Variants in AOPEP observed in about 807,000 individuals in gnomAD.
The protein encoded by AOPEP is aminopeptidase O (putative).
In AOPEP, 77 loss-of-function variants were observed where a neutral mutation model predicts 98.1. That is an observed-to-expected ratio of 0.78 (90% CI 0.65 to 0.95). The LOEUF (loss-of-function observed/expected upper bound fraction) is 0.95, where lower values mean the gene tolerates loss of function less well. Among genes scored for constraint, AOPEP ranks in the 40% least tolerant of loss-of-function variants. AOPEP has a pLI of 0.00. For synonymous variants in AOPEP, 346 were observed against 365.3 expected, an observed-to-expected ratio of 0.95 and a Z score of 0.60; for missense variants, 1,024 against 1,024.7, an observed-to-expected ratio of 1.00 and a Z score of 0.01.
chr9:94,818,412 T>G (rs1354963777), intron 5 of AOPEP, among the ~76,000 whole-genome samples: 1 of 152,082 alleles, frequency 6.6e-6, no homozygotes, highest in Non-Finnish European at 1.5e-5. Flanking sequence ...TAAAAATAGG[T>G]ATGGTGACTT....
intron 14 of AOPEP, among the ~76,000 whole-genome samples, chr9:95,063,927 A>G (rs935927923): frequency 1.3e-5 from 2 of 152,130 alleles, no homozygotes; most frequent in Non-Finnish European, 2.9e-5. Flanking sequence ...CAAAAAAAAA[A>G]AAAATCTCAA....
At chr9:94,783,801 T>C (rs1034452633) in intron 3 of AOPEP, among the ~76,000 whole-genome samples, 5 of 152,200 alleles carry the variant, frequency 3.3e-5, no homozygotes, top group Non-Finnish European at 7.3e-5. Context: ...TTGTTAGGCA[T>C]CTTTAATTTG....
chr9:94,821,947 G>A (rs927698379), intron 5 of AOPEP, among the ~76,000 whole-genome samples: 4 of 148,922 alleles, frequency 2.7e-5, no homozygotes, highest in Middle Eastern at 3.2e-3. Context: ...ATAAGCCATA[G>A]ATCTGTGCAC....
chr9:94,844,369 A>T (rs1172165583), intron 5 of AOPEP, among the ~76,000 whole-genome samples: 1 of 152,234 alleles, frequency 6.6e-6, no homozygotes, highest in Non-Finnish European at 1.5e-5. Context: ...TTTGTAATTG[A>T]TACATAATAT....
intron 5 of AOPEP, among the ~76,000 whole-genome samples, chr9:94,852,435 G>A (rs962563648): frequency 6.6e-6 from 1 of 152,224 alleles, no homozygotes; most frequent in Non-Finnish European, 1.5e-5. Context: ...GGTGGGAAGA[G>A]CAGTGGCTGG....
chr9:95,145,823 C>T, the AOPEP span, among the ~76,000 whole-genome samples: 4 of 152,014 alleles, frequency 2.6e-5, no homozygotes, highest in Admixed American at 6.5e-5. Flanking sequence ...CTCAAGAGGG[C>T]GGACATGCTT....
At chr9:94,832,535 A>C (rs1856217261) in intron 5 of AOPEP, among the ~76,000 whole-genome samples, 1 of 152,208 alleles carries the variant, frequency 6.6e-6, no homozygotes, top group South Asian at 2.1e-4. Flanking sequence ...ATTTATTCTA[A>C]GGATACATTG....
In AOPEP at chr9:94,884,581, C is replaced by T. The variant is rs78077389; in HGVS notation, c.1365-39405C>T. Among the ~76,000 whole-genome samples, 168 of 152,266 alleles carry T rather than the reference C, an allele frequency of 1.1e-3. 2 individuals are homozygous for T. The East Asian group carries it at 0.027, about 25-fold the overall frequency. On this transcript the variant is annotated intron_variant, in intron 5 of 16. Transcript: ENST00000375315. ...CAACCCCAGACCCCCAGACCTGCTA[C>T]GAGTTAACTGTGTGATAGAAGTTAC... is the stretch of plus-strand genomic sequence containing the variant.
intron 7 of AOPEP, among the ~76,000 whole-genome samples, chr9:94,937,668 A>G (rs2056463520): frequency 3.9e-5 from 6 of 152,158 alleles, no homozygotes; most frequent in Admixed American, 3.9e-4. Flanking sequence ...CCATATCATT[A>G]TGACTCATCA....
chr9:94,741,275 A>T (rs1180574231), intron 1 of AOPEP, among the ~76,000 whole-genome samples: 6 of 149,120 alleles, frequency 4.0e-5, no homozygotes, highest in African/African-American at 7.4e-5. Context: ...TTATTTTTTT[A>T]TTTTTTTATT....
At chr9:95,094,060 C>G in the AOPEP span, among the ~76,000 whole-genome samples, 2 of 152,196 alleles carry the variant, frequency 1.3e-5, no homozygotes, top group Admixed American at 6.5e-5. Context: ...TCCCCCACCC[C>G]TTTCTTGCTC....
At chr9:94,879,632 C>T (rs895097807) in intron 5 of AOPEP, among the ~76,000 whole-genome samples, 6 of 152,192 alleles carry the variant, frequency 3.9e-5, no homozygotes, top group African/African-American at 1.4e-4. Context: ...AAGAAAGACT[C>T]GATTTGACCA....
At chr9:95,117,476 A>G in the AOPEP span, 1 of 1,041,818 alleles carries the variant, frequency 9.6e-7, no homozygotes, top group Non-Finnish European at 1.5e-6. Context: ...TCCTCTGCCC[A>G]AAAAAGACCC....
chr9:94,808,754 A>G (rs1386509449), intron 5 of AOPEP, among the ~76,000 whole-genome samples: 1 of 152,248 alleles, frequency 6.6e-6, no homozygotes, highest in Non-Finnish European at 1.5e-5. Flanking sequence ...TTCCCCAGCC[A>G]AGACTTGGGG....
chr9:94,987,198 A>T (rs770800935), intron 11 of AOPEP, among the ~76,000 whole-genome samples: 32 of 152,270 alleles, frequency 2.1e-4, no homozygotes, highest in Non-Finnish European at 4.6e-4. Context: ...GGAAAAATAG[A>T]TACATAAATA....
chr9:94,927,309 T>C (rs945268525), intron 6 of AOPEP, among the ~76,000 whole-genome samples: 4 of 152,134 alleles, frequency 2.6e-5, no homozygotes, highest in Non-Finnish European at 4.4e-5. Flanking sequence ...CACACCGGGG[T>C]AAGGCCTTCA....
chr9:94,761,715 C>A (rs987321337), intron 2 of AOPEP, among the ~76,000 whole-genome samples: 2 of 152,138 alleles, frequency 1.3e-5, no homozygotes, highest in Admixed American at 6.5e-5. Context: ...CACTTCCTGT[C>A]TTATTTCTGT....
At chr9:94,982,889 C>T (rs928072610) in intron 11 of AOPEP, among the ~76,000 whole-genome samples, 9 of 152,068 alleles carry the variant, frequency 5.9e-5, no homozygotes, top group Admixed American at 2.6e-4. Context: ...GCCATATATT[C>T]TAGTCTTCTT....
intron 13 of AOPEP, chr9:95,021,727 A>G (rs3739748): frequency 0.96 from 145,959 of 152,348 alleles, 69,958 homozygotes; most frequent in Middle Eastern, 0.99. Flanking sequence ...CTCCCATCTT[A>G]GATTGAAGCT....
Sources: allele counts gnomAD v4.1 joint callset (sites outside exome capture counted in the v4.1 genomes callset), GRCh38; gene constraint gnomAD v4.1.1; transcripts MANE v1.5; gene names NCBI Gene and HGNC (gene_info 2026-07-23, HGNC 2026-07-21).